The following CA10 variants were observed in gnomAD, a reference collection of about 807,000 sequenced individuals.
CA10 encodes carbonic anhydrase 10 (inactive), also known as carbonic anhydrase-related protein 10.
A neutral mutation model predicts 44.2 loss-of-function variants in CA10; 14 were observed. The observed-to-expected ratio is 0.32, with a 90% CI of 0.21 to 0.50. The LOEUF (loss-of-function observed/expected upper bound fraction) is 0.50, where lower values mean the gene tolerates loss of function less well. Among genes scored for constraint, CA10 ranks in the 20% least tolerant of loss-of-function variants. CA10 has a pLI of 0.99. For synonymous variants in CA10, 159 were observed against 141.6 expected (o/e 1.12, Z -0.87); for missense variants, 350 against 409.7 (o/e 0.85, Z 1.26).
intron 3 of CA10, among the ~76,000 whole-genome samples, chr17:51,865,345 C>G (rs552102490): frequency 6.6e-6 from 1 of 152,308 alleles, no homozygotes; most frequent in South Asian, 2.1e-4. Flanking sequence ...GTTTTAAAAT[C>G]TGGGTCTGGA....
At chr17:52,137,267 C>A (rs1249720622) in intron 1 of CA10, among the ~76,000 whole-genome samples, 1 of 152,018 alleles carries the variant, frequency 6.6e-6, no homozygotes, top group Non-Finnish European at 1.5e-5. Context: ...TCCTCATCTG[C>A]AGAATGGGGA....
chr17:51,960,758 C>T (rs548477291), intron 2 of CA10, among the ~76,000 whole-genome samples: 1 of 152,208 alleles, frequency 6.6e-6, no homozygotes, highest in East Asian at 1.9e-4. Context: ...AAATAACTCA[C>T]TTTCAAATAA....
chr17:52,042,202 A>G (rs1986788928), intron 2 of CA10, among the ~76,000 whole-genome samples: 1 of 152,022 alleles, frequency 6.6e-6, no homozygotes. Context: ...ACCAATTTAC[A>G]TTTCCATCAA....
chr17:52,127,456 G>A (rs1230607341), intron 1 of CA10, among the ~76,000 whole-genome samples: 1 of 152,102 alleles, frequency 6.6e-6, no homozygotes, highest in African/African-American at 2.4e-5. Flanking sequence ...AGGTATAATT[G>A]TGGCTTCAGA....
intron 1 of CA10, among the ~76,000 whole-genome samples, chr17:52,091,819 G>C (rs1236538386): frequency 6.6e-6 from 1 of 152,160 alleles, no homozygotes; most frequent in Non-Finnish European, 1.5e-5. Context: ...CCATGATACA[G>C]GGTTTCCTAA....
At chr17:51,723,704 C>T (rs1164832949) in intron 4 of CA10, among the ~76,000 whole-genome samples, 1 of 152,186 alleles carries the variant, frequency 6.6e-6, no homozygotes, top group African/African-American at 2.4e-5. Context: ...AGATAGCATG[C>T]TTGCTGACCC....
At chr17:51,749,659 C>G (rs575701305) in intron 3 of CA10, among the ~76,000 whole-genome samples, 4 of 152,332 alleles carry the variant, frequency 2.6e-5, no homozygotes, top group South Asian at 4.1e-4. Context: ...TCTTCTTTCT[C>G]CTGTGAAATC....
intron 2 of CA10, among the ~76,000 whole-genome samples, chr17:51,953,279 C>G (rs1029903389): frequency 2.0e-5 from 3 of 152,046 alleles, no homozygotes; most frequent in Non-Finnish European, 2.9e-5. Context: ...TATTGAAAAA[C>G]TTTTTTCCTA....
intron 6 of CA10, among the ~76,000 whole-genome samples, chr17:51,647,826 G>A (rs1913400230): frequency 6.6e-6 from 1 of 152,218 alleles, no homozygotes; most frequent in African/African-American, 2.4e-5. Context: ...ATCTAAGTGT[G>A]TGCTTAGAGA....
chr17:51,765,802 C>T (rs777113140), intron 3 of CA10, among the ~76,000 whole-genome samples: 2 of 151,040 alleles, frequency 1.3e-5, no homozygotes, highest in African/African-American at 2.4e-5. Context: ...TAGAAGGTAC[C>T]AGGGAGAGTC....
At chr17:51,945,170 C>T (rs1197876917) in intron 2 of CA10, among the ~76,000 whole-genome samples, 1 of 152,130 alleles carries the variant, frequency 6.6e-6, no homozygotes. Context: ...GGCTGGTTTT[C>T]ATCCTAATTG....
At chr17:52,109,633 A>T (rs1598219498) in intron 1 of CA10, among the ~76,000 whole-genome samples, 1 of 152,202 alleles carries the variant, frequency 6.6e-6, no homozygotes, top group South Asian at 2.1e-4. Context: ...TAGGGACTGG[A>T]AATTAATAGA....
chr17:51,927,157 G>T (rs923143274), intron 3 of CA10, among the ~76,000 whole-genome samples: 3 of 151,978 alleles, frequency 2.0e-5, no homozygotes, highest in African/African-American at 7.2e-5. Context: ...CTTAACATAT[G>T]ATCCTACCTT....
At chr17:51,696,698 T>C (rs1227135489) in intron 4 of CA10, among the ~76,000 whole-genome samples, 1 of 152,192 alleles carries the variant, frequency 6.6e-6, no homozygotes, top group Non-Finnish European at 1.5e-5. Flanking sequence ...GAGATCTTTC[T>C]ATGTTTTTGA....
At chr17:51,688,690 ATCTGCCTGCAGAATTACACTTTAT>A (rs1340065588) in intron 4 of CA10, among the ~76,000 whole-genome samples, 1 of 152,106 alleles carries the variant, frequency 6.6e-6, no homozygotes, top group Non-Finnish European at 1.5e-5. Flanking sequence ...CCCTTTCCCC[ATCTGCCTGCAGAATTACACTTTAT>A]TCCAGACCTA....
chr17:51,770,078 C>T (rs1017670107), intron 3 of CA10, among the ~76,000 whole-genome samples: 2 of 150,860 alleles, frequency 1.3e-5, no homozygotes, highest in Non-Finnish European at 2.9e-5. Flanking sequence ...CTCTGTTGCT[C>T]TTTTATAGGA....
At chr17:51,752,946 A>G (rs1301216866) in intron 3 of CA10, among the ~76,000 whole-genome samples, 2 of 152,138 alleles carry the variant, frequency 1.3e-5, no homozygotes, top group Non-Finnish European at 2.9e-5. Context: ...TAAATAAAAT[A>G]AAAAACAAGT....
intron 3 of CA10, among the ~76,000 whole-genome samples, chr17:51,864,970 G>T (rs1299112138): frequency 6.6e-6 from 1 of 152,112 alleles, no homozygotes; most frequent in Non-Finnish European, 1.5e-5. Flanking sequence ...GTTGTGCTGG[G>T]TGCCAAGAAT....
chr17:51,818,522 C>T (rs1418551967), intron 3 of CA10, among the ~76,000 whole-genome samples: 2 of 152,064 alleles, frequency 1.3e-5, no homozygotes, highest in African/African-American at 2.4e-5. Context: ...TTGCTTTGTG[C>T]CTCCTAGGAA....
Sources: gnomAD v4.1 joint callset for allele counts (sites outside exome capture counted in the v4.1 genomes callset) on GRCh38, gnomAD v4.1.1 for gene constraint, MANE v1.5 for transcripts, NCBI Gene and HGNC (gene_info 2026-07-23, HGNC 2026-07-21) for gene names.